MSI2: variants seen among roughly 807,000 people sequenced by gnomAD.
The protein encoded by MSI2 is RNA-binding protein Musashi homolog 2.
Under a neutral mutation model 45.6 loss-of-function variants are expected in MSI2, and 17 were observed. That is an observed-to-expected ratio of 0.37 (90% CI 0.26 to 0.56). The LOEUF (loss-of-function observed/expected upper bound fraction) is 0.56, where lower values mean the gene tolerates loss of function less well. MSI2 is among the 20% of genes least tolerant of loss of function. The probability of loss-of-function intolerance (pLI) is 0.77; values close to 1 mark genes in which losing one functional copy is unlikely to be tolerated. For missense variants in MSI2, 293 were observed against 444.2 expected (o/e 0.66, Z 3.06); for synonymous variants, 156 against 158.2 (o/e 0.99, Z 0.11).
At chr17:57,316,709 G>A (rs1259145209) in intron 5 of MSI2, among the ~76,000 whole-genome samples, 1 of 152,122 alleles carries the variant, frequency 6.6e-6, no homozygotes, top group Non-Finnish European at 1.5e-5. Flanking sequence ...GGTCTTTGGA[G>A]GCATGTGAGG....
chr17:57,669,512 C>T (rs527238623), intron 11 of MSI2, among the ~76,000 whole-genome samples: 7 of 152,156 alleles, frequency 4.6e-5, no homozygotes, highest in Admixed American at 4.6e-4. Context: ...CAGAGTCCTA[C>T]GACTATGGAG....
At chr17:57,401,792 G>A (rs1352531132) in intron 6 of MSI2, among the ~76,000 whole-genome samples, 5 of 152,238 alleles carry the variant, frequency 3.3e-5, no homozygotes, top group East Asian at 1.9e-4. Context: ...GCTGTGACTC[G>A]CAGGGCAGGA....
chr17:57,504,930 TAAA>T (rs113984172), intron 6 of MSI2, among the ~76,000 whole-genome samples: 2 of 136,494 alleles, frequency 1.5e-5, no homozygotes, highest in Non-Finnish European at 1.6e-5. Flanking sequence ...AAACTCCATT[TAAA>T]AAAAAAAAAA....
At chr17:57,285,815 G>C (rs528967929) in intron 5 of MSI2, 1 of 1,387,070 alleles carries the variant, frequency 7.2e-7, no homozygotes, top group African/African-American at 1.5e-5. Flanking sequence ...CTCCTTGCCC[G>C]TCAGTTAGCC....
Position 57,594,131 on chromosome 17 carries a change from G to A in MSI2, c.455-2737G>A, listed in dbSNP as rs377590074. ...TGGTGTGTGTTAGGGGCCCTGTTCC[G>A]TCCTGAGGACCCTTAGAGGACAAGA... On this transcript the variant is annotated intron_variant, in intron 7 of 13. Transcript: ENST00000284073. 2.4e-3 allele frequency among the ~76,000 whole-genome samples: 358 copies of A among 152,328 alleles called. 2 individuals are homozygous for A. Among genetic ancestry groups the A allele is most frequent in the African/African-American group, 7.7e-3 (321 of 41,568 alleles).
At chr17:57,509,623 G>A (rs749171962) in intron 6 of MSI2, among the ~76,000 whole-genome samples, 1 of 152,094 alleles carries the variant, frequency 6.6e-6, no homozygotes, top group Non-Finnish European at 1.5e-5. Context: ...GTTTCACCAT[G>A]TTGGCCAGGC....
At chr17:57,359,938 T>C (rs1598167612) in intron 5 of MSI2, among the ~76,000 whole-genome samples, 2 of 152,368 alleles carry the variant, frequency 1.3e-5, no homozygotes, top group Non-Finnish European at 2.9e-5. Context: ...TGGGAAACTC[T>C]TCACAGGCAA....
chr17:57,280,343 G>T lies in MSI2; in HGVS notation c.312+18151G>T, dbSNP rs1281985593. 3.3e-5 allele frequency among the ~76,000 whole-genome samples: 5 copies of T among 152,214 alleles called. No homozygotes were observed. The highest frequency in any genetic ancestry group is 7.3e-5 in the Non-Finnish European group (5 of 68,040). ...GAAAAGTGGCTTGTGGGTACCCCAG[G>T]GGGCTGTGGGGGAATCAGTGAGTAA... On this transcript the variant is annotated intron_variant, in intron 5 of 13. Transcript: ENST00000284073. This position sits in a 1 kb window ranked among gnomAD's most constrained non-coding sequence, Gnocchi z 4.2.
chr17:57,276,889 CCT>C (rs1908894400), intron 5 of MSI2, among the ~76,000 whole-genome samples: 4 of 151,948 alleles, frequency 2.6e-5, no homozygotes, highest in Non-Finnish European at 5.9e-5. Context: ...GACTCGGTCT[CCT>C]GGGGAACGGT....
At chr17:57,375,998 T>C (rs2083490239) in intron 5 of MSI2, among the ~76,000 whole-genome samples, 1 of 152,190 alleles carries the variant, frequency 6.6e-6, no homozygotes, top group Admixed American at 6.5e-5. Flanking sequence ...AGGTGATATG[T>C]GGGTTCCCTT....
At chr17:57,695,757 T>TA in the MSI2 span, among the ~76,000 whole-genome samples, 5 of 152,134 alleles carry the variant, frequency 3.3e-5, no homozygotes, top group Non-Finnish European at 7.3e-5. Flanking sequence ...CTGGGTGGCT[T>TA]AAACAACAGA....
intron 11 of MSI2, among the ~76,000 whole-genome samples, chr17:57,660,242 G>C (rs1911893549): frequency 6.6e-6 from 1 of 152,170 alleles, no homozygotes; most frequent in Non-Finnish European, 1.5e-5. Context: ...ATACCGTCCT[G>C]TCCAGAAGAG....
intron 7 of MSI2, among the ~76,000 whole-genome samples, chr17:57,566,832 C>T (rs1417754848): frequency 6.6e-6 from 1 of 152,118 alleles, no homozygotes; most frequent in Admixed American, 6.5e-5. Flanking sequence ...CACCAAGGGC[C>T]TCGTACAGCC....
chr17:57,629,931 A>T (rs961194614), intron 10 of MSI2: 2 of 152,278 alleles, frequency 1.3e-5, no homozygotes, highest in African/African-American at 4.8e-5. Flanking sequence ...GGATCTTAAC[A>T]TGGAATAATT....
At chr17:57,455,103 C>A (rs2085088131) in intron 6 of MSI2, among the ~76,000 whole-genome samples, 1 of 152,214 alleles carries the variant, frequency 6.6e-6, no homozygotes, top group South Asian at 2.1e-4. Flanking sequence ...GGGAGATGCT[C>A]AGTGACTTCG....
chr17:57,410,506 G>T (rs1359396089), intron 6 of MSI2, among the ~76,000 whole-genome samples: 2 of 151,178 alleles, frequency 1.3e-5, no homozygotes, highest in Admixed American at 6.6e-5. Flanking sequence ...GATTATTTCT[G>T]TGTCTCTTGA....
intron 8 of MSI2, among the ~76,000 whole-genome samples, chr17:57,606,706 T>C (rs1906620098): frequency 6.6e-6 from 1 of 152,190 alleles, no homozygotes; most frequent in African/African-American, 2.4e-5. Context: ...GTTTATGACC[T>C]ATTTTACTTT....
chr17:57,693,356 A>G, the MSI2 span, among the ~76,000 whole-genome samples: 3 of 151,994 alleles, frequency 2.0e-5, no homozygotes, highest in Admixed American at 6.6e-5. Flanking sequence ...GAAATTTTGT[A>G]TTTTTAGTAG....
chr17:57,420,336 T>G (rs1464419381), intron 6 of MSI2, among the ~76,000 whole-genome samples: 1 of 152,220 alleles, frequency 6.6e-6, no homozygotes, highest in Non-Finnish European at 1.5e-5. Flanking sequence ...ACGATTTTTA[T>G]TTGTCCATGG....
Sources: allele counts gnomAD v4.1 joint callset (sites outside exome capture counted in the v4.1 genomes callset), GRCh38; gene constraint gnomAD v4.1.1; non-coding constraint Gnocchi (gnomAD v3.1); transcripts MANE v1.5; gene names NCBI Gene and HGNC (gene_info 2026-07-23, HGNC 2026-07-21).